Variants in PKIB observed in about 807,000 individuals in gnomAD.
The protein encoded by PKIB is PKI-beta.
Under a neutral mutation model 4.5 loss-of-function variants are expected in PKIB, and 2 were observed. The observed-to-expected ratio is 0.44, with a 90% confidence interval of 0.18 to 1.39. The LOEUF is 1.39. PKIB is among the 40% of genes most tolerant of loss of function. The pLI, the probability that PKIB is intolerant of heterozygous loss-of-function variation, is 0.27. For missense variants in PKIB, 94 were observed against 92.6 expected (o/e 1.02, Z -0.06); for synonymous variants, 38 against 36.0 (o/e 1.06, Z -0.20).
intron 3 of PKIB, among the ~76,000 whole-genome samples, chr6:122,686,964 A>C (rs1048077751): frequency 2.6e-5 from 4 of 152,134 alleles, no homozygotes; most frequent in African/African-American, 9.7e-5. Context: ...GAAGCTTTTT[A>C]ACCTGATGTG....
intron 2 of PKIB, among the ~76,000 whole-genome samples, chr6:122,646,880 A>C (rs1390835015): frequency 1.3e-5 from 2 of 152,182 alleles, no homozygotes; most frequent in Non-Finnish European, 2.9e-5. Context: ...GATGGATGAC[A>C]AAGCTTTCCT....
chr6:122,601,766 C>T (rs1024366681), intron 3 of PKIB, among the ~76,000 whole-genome samples: 5 of 152,092 alleles, frequency 3.3e-5, no homozygotes, highest in African/African-American at 4.8e-5. Flanking sequence ...GTATATAGTA[C>T]ATATAACATA....
At chr6:122,710,805 A>T (rs990158450) in intron 3 of PKIB, among the ~76,000 whole-genome samples, 1 of 152,098 alleles carries the variant, frequency 6.6e-6, no homozygotes, top group African/African-American at 2.4e-5. Context: ...TTTGAATTGA[A>T]CCCTAACTTC....
At chr6:122,653,312 G>C (rs2114886512) in intron 2 of PKIB, among the ~76,000 whole-genome samples, 1 of 152,254 alleles carries the variant, frequency 6.6e-6, no homozygotes, top group African/African-American at 2.4e-5. Flanking sequence ...AGGGCTTCCT[G>C]GATTGTTTTT....
chr6:122,634,560 T>G (rs1775836127), intron 2 of PKIB, among the ~76,000 whole-genome samples: 1 of 151,988 alleles, frequency 6.6e-6, no homozygotes, highest in African/African-American at 2.4e-5. Context: ...CCCTCTCAGA[T>G]TCCTACTAGA....
intron 3 of PKIB, among the ~76,000 whole-genome samples, chr6:122,601,440 C>T (rs985072194): frequency 7.9e-5 from 12 of 152,222 alleles, no homozygotes; most frequent in Admixed American, 2.6e-4. Flanking sequence ...TAACCTCTCA[C>T]CCTAGAATTC....
At chr6:122,571,984 C>T (rs1773379852) in intron 2 of PKIB, among the ~76,000 whole-genome samples, 1 of 152,136 alleles carries the variant, frequency 6.6e-6, no homozygotes, top group East Asian at 1.9e-4. Context: ...TGTCTACTGT[C>T]TTCAAGAGGC....
chr6:122,612,219 T>G (rs1233388939), intron 1 of PKIB, among the ~76,000 whole-genome samples: 1 of 152,116 alleles, frequency 6.6e-6, no homozygotes, highest in Non-Finnish European at 1.5e-5. Context: ...CATTACAGCA[T>G]TTTTTTACAA....
intron 2 of PKIB, among the ~76,000 whole-genome samples, chr6:122,661,560 T>A (rs1776992213): frequency 6.6e-6 from 1 of 152,228 alleles, no homozygotes; most frequent in Admixed American, 6.5e-5. Flanking sequence ...TATTACATTG[T>A]AAGAATATAC....
rs576186074 is a variant in PKIB, at chr6:122,502,504, G to A, written c.-248+24565G>A. ...GGGAAACAGGCACAATCTTCGTTTG[G>A]CAGAACAGAAGAGAGAGAGAGTGAA... On this transcript the variant is annotated intron_variant, in intron 2 of 6. Coordinates refer to the PKIB transcript ENST00000392491. Among the ~76,000 whole-genome samples, 3 of 151,826 alleles carry A rather than the reference G, an allele frequency of 2.0e-5. No individual in the cohort carries two copies. In the East Asian group the frequency reaches 5.9e-4, roughly 30 times the overall value.
At chr6:122,532,737 A>G (rs1025507022) in intron 2 of PKIB, among the ~76,000 whole-genome samples, 1 of 152,176 alleles carries the variant, frequency 6.6e-6, no homozygotes, top group Non-Finnish European at 1.5e-5. Flanking sequence ...TTGTATTTAC[A>G]TACCATATTT....
chr6:122,676,462 A>G (rs912348969), intron 3 of PKIB, among the ~76,000 whole-genome samples: 3 of 152,224 alleles, frequency 2.0e-5, no homozygotes, highest in Non-Finnish European at 2.9e-5. Flanking sequence ...AAGCAAAGTC[A>G]TGCAACTAAA....
At chr6:122,538,364 A>T (rs1777474044) in intron 2 of PKIB, among the ~76,000 whole-genome samples, 1 of 152,118 alleles carries the variant, frequency 6.6e-6, no homozygotes, top group African/African-American at 2.4e-5. Flanking sequence ...TATAAGGTGT[A>T]AGGAAGGGAT....
intron 2 of PKIB, among the ~76,000 whole-genome samples, chr6:122,496,538 A>T (rs1292642813): frequency 6.6e-6 from 1 of 152,232 alleles, no homozygotes; most frequent in Non-Finnish European, 1.5e-5. Context: ...AAAAGAAATC[A>T]ATCAGAGCTC....
intron 2 of PKIB, among the ~76,000 whole-genome samples, chr6:122,502,270 C>A (rs1776263829): frequency 6.6e-6 from 1 of 151,994 alleles, no homozygotes; most frequent in Non-Finnish European, 1.5e-5. Flanking sequence ...TCCAAAGTTG[C>A]TTCCACATTT....
intron 1 of PKIB, among the ~76,000 whole-genome samples, chr6:122,477,186 A>C (rs1775470054): frequency 6.6e-6 from 1 of 152,218 alleles, no homozygotes; most frequent in Non-Finnish European, 1.5e-5. Flanking sequence ...AATTAAGAGC[A>C]CATCTCCATT....
chr6:122,639,789 A>G (rs748328719), intron 2 of PKIB, among the ~76,000 whole-genome samples: 1 of 152,224 alleles, frequency 6.6e-6, no homozygotes, highest in Admixed American at 6.5e-5. Context: ...AGGCTTCCTG[A>G]AATTATAACA....
chr6:122,663,161 A>G (rs1260948301), intron 2 of PKIB, among the ~76,000 whole-genome samples: 1 of 152,220 alleles, frequency 6.6e-6, no homozygotes, highest in African/African-American at 2.4e-5. Flanking sequence ...TAAAAGCACT[A>G]GAAACACAAG....
chr6:122,576,689 A>AAAATATATATATATATAT (rs1345822382), intron 2 of PKIB, among the ~76,000 whole-genome samples: 14 of 34,310 alleles, frequency 4.1e-4, no homozygotes, highest in Non-Finnish European at 6.1e-4. Context: ...AAAAAAAAAA[A>AAAATATATATATATATAT]ATATATATAT....
Sources: gnomAD v4.1 joint callset for allele counts (sites outside exome capture counted in the v4.1 genomes callset) on GRCh38, gnomAD v4.1.1 for gene constraint, MANE v1.5 for transcripts, NCBI Gene and HGNC (gene_info 2026-07-23, HGNC 2026-07-21) for gene names.